WASHC3: variants seen among roughly 807,000 people sequenced by gnomAD.
WASHC3 encodes WASH complex subunit 3.
WASHC3 carries 24 observed loss-of-function variants against 26.1 expected under a neutral mutation model. The observed-to-expected ratio is 0.92, with a 90% CI of 0.66 to 1.29. The LOEUF (loss-of-function observed/expected upper bound fraction) is 1.29, where lower values mean the gene tolerates loss of function less well. WASHC3 is among the 50% of genes most tolerant of loss of function. The pLI is 0.00. For synonymous variants in WASHC3, 77 were observed against 75.7 expected (o/e 1.02, Z -0.09); for missense variants, 214 against 229.6 (o/e 0.93, Z 0.44).
At chr12:102,014,283 G>C (rs565674646) in intron 6 of WASHC3, among the ~76,000 whole-genome samples, 1 of 151,946 alleles carries the variant, frequency 6.6e-6, no homozygotes, top group South Asian at 2.1e-4. Flanking sequence ...ATGTTGGCCA[G>C]GATGGTCTTG....
intron 5 of WASHC3, among the ~76,000 whole-genome samples, chr12:102,028,082 A>C (rs1877275443): frequency 6.6e-6 from 1 of 152,174 alleles, no homozygotes; most frequent in Non-Finnish European, 1.5e-5. Flanking sequence ...AGAGAAAAAC[A>C]GAAAAAAGCC....
Position 102,028,531 on chromosome 12 carries a change from C to T in WASHC3, c.436-2493G>A, listed in dbSNP as rs540130797. Among the ~76,000 whole-genome samples, 5 of 151,370 alleles carry T rather than the reference C, an allele frequency of 3.3e-5. No individual in the cohort carries two copies. In the South Asian group the frequency reaches 6.3e-4, roughly 19 times the overall value. ...TTATACTTTAGCATAATCCACAGGACGTCATTGGAAAGGTTACACAAATAA... is the reference window on the plus strand; with the variant it reads ...TTATACTTTAGCATAATCCACAGGATGTCATTGGAAAGGTTACACAAATAA... On this transcript the variant is annotated intron_variant, in intron 5 of 6. Coordinates refer to ENST00000240079, the MANE Select transcript of WASHC3 (RefSeq NM_016053.4).
chr12:102,022,624 G>A (rs886363358), intron 6 of WASHC3, among the ~76,000 whole-genome samples: 11 of 152,178 alleles, frequency 7.2e-5, no homozygotes, highest in African/African-American at 2.7e-4. Flanking sequence ...GCCTTATCCT[G>A]AGCCTTAACT....
rs75633137 is a variant in WASHC3 at position 102,015,532 on chromosome 12, G to T, written c.501-2340C>A. ...TGACTGATTGATTGGATTTTGTGAT[G>T]ATTAAATTAATTAATAAATGTAAAG... On this transcript the variant is annotated intron_variant, in intron 6 of 6. Coordinates refer to ENST00000240079, the MANE Select transcript of WASHC3 (RefSeq NM_016053.4). Among the ~76,000 whole-genome samples the T allele has an allele frequency of 2.8e-4, 43 of 151,570 alleles. 1 individual carries two copies. The East Asian group carries it at 7.9e-3, about 28-fold the overall frequency.
chr12:102,038,744 A>G (rs958367687), intron 5 of WASHC3, among the ~76,000 whole-genome samples: 2 of 152,082 alleles, frequency 1.3e-5, no homozygotes, highest in African/African-American at 2.4e-5. Context: ...AGGCTTCAGA[A>G]AAAAAGAACT....
intron 6 of WASHC3, among the ~76,000 whole-genome samples, chr12:102,022,203 A>C (rs898537318): frequency 1.3e-5 from 2 of 152,218 alleles, no homozygotes; most frequent in Non-Finnish European, 2.9e-5. Context: ...TGAGAAAACA[A>C]TATAATTTAA....
chr12:102,055,056 C>T (rs998511069), intron 2 of WASHC3, among the ~76,000 whole-genome samples: 3 of 151,066 alleles, frequency 2.0e-5, no homozygotes, highest in Non-Finnish European at 3.0e-5. Context: ...TAATAATGAT[C>T]GGAACAGAAA....
chr12:102,050,185 G>C (rs987130385), intron 2 of WASHC3: 1 of 357,264 alleles, frequency 2.8e-6, no homozygotes, highest in Non-Finnish European at 5.5e-6. Context: ...GTGGTGGCAC[G>C]CACCTGTAGT....
chr12:102,017,248 T>C (rs1876744483), intron 6 of WASHC3, among the ~76,000 whole-genome samples: 1 of 152,048 alleles, frequency 6.6e-6, no homozygotes, highest in South Asian at 2.1e-4. Context: ...CGCTATACCA[T>C]TTAGGCTTGT....
intron 2 of WASHC3, among the ~76,000 whole-genome samples, chr12:102,056,816 C>A (rs1878610356): frequency 6.6e-6 from 1 of 152,156 alleles, no homozygotes; most frequent in Admixed American, 6.5e-5. Context: ...GATGCCTTCA[C>A]TACTGAATTC....
intron 5 of WASHC3, among the ~76,000 whole-genome samples, chr12:102,035,983 TAAAGAG>T (rs1232985410): frequency 6.6e-6 from 1 of 152,124 alleles, no homozygotes; most frequent in Non-Finnish European, 1.5e-5. Flanking sequence ...CATGCAATAA[TAAAGAG>T]AAAGAGAATC....
In WASHC3 at chr12:102,045,984, T is replaced by G. The variant is rs1233222555; in HGVS notation, c.216+70A>C. 6 of 833,560 alleles carry G rather than the reference T, an allele frequency of 7.2e-6. No homozygotes were observed. In the African/African-American group the frequency reaches 1.0e-4, roughly 14 times the overall value. The allele number at this position is 833,560 out of a possible 1,614,324, so 51.6% of individuals were successfully genotyped here. A position where few individuals can be genotyped will look rare whatever the true frequency, so the allele number is the denominator to read the frequency against. Reference sequence around the variant, plus strand: ...GAATCACTCCCAAATGCAATGAAAATTAAGTATGATTAAGAAAGCTGGTAT... The same window carrying G: ...GAATCACTCCCAAATGCAATGAAAAGTAAGTATGATTAAGAAAGCTGGTAT... On this transcript the variant is annotated intron_variant, in intron 3 of 6. Coordinates refer to ENST00000240079, the MANE Select transcript of WASHC3 (RefSeq NM_016053.4).
intron 5 of WASHC3, among the ~76,000 whole-genome samples, chr12:102,036,332 A>T (rs1877655472): frequency 6.8e-6 from 1 of 147,346 alleles, no homozygotes; most frequent in South Asian, 2.1e-4. Context: ...CCTTTGCTCC[A>T]GCCTGGGTGA....
At chr12:102,015,338 G>T (rs1479907021) in intron 6 of WASHC3, among the ~76,000 whole-genome samples, 1 of 152,062 alleles carries the variant, frequency 6.6e-6, no homozygotes, top group South Asian at 2.1e-4. Flanking sequence ...AGAAGAAACT[G>T]AAACTATAAA....
chr12:102,012,982 G>C lies in WASHC3; in HGVS notation c.*126C>G, dbSNP rs371648349. 35 of 511,406 alleles carry C rather than the reference G, an allele frequency of 6.8e-5. No individual in the cohort carries two copies. Among genetic ancestry groups the C allele is most frequent in the African/African-American group, 5.7e-4 (29 of 50,526 alleles). The allele number at this position is 511,406 out of a possible 1,614,324, so 31.7% of individuals were successfully genotyped here. On this transcript the variant is annotated 3_prime_UTR_variant, in exon 7 of 7. Coordinates refer to ENST00000240079, the MANE Select transcript of WASHC3 (RefSeq NM_016053.4). ...GCTTTATTATTATTTTTTTAACATA[G>C]AAGAAGCTTGGTAGTGGACATGTGG... is the stretch of plus-strand genomic sequence containing the variant.
chr12:102,018,621 C>T (rs1876811293), intron 6 of WASHC3, among the ~76,000 whole-genome samples: 1 of 151,924 alleles, frequency 6.6e-6, no homozygotes, highest in African/African-American at 2.4e-5. Context: ...TGCAGATACA[C>T]TCTATCGCGC....
rs899597640 is a variant in WASHC3 at position 102,061,835 on chromosome 12, G to T, written c.51+77C>A. On this transcript the variant is annotated intron_variant, in intron 1 of 6. Coordinates refer to ENST00000240079, the MANE Select transcript of WASHC3 (RefSeq NM_016053.4). ...GTGACAGGGTGGGGACTCGGAAGGT[G>T]GGTGTCTCCCCGGAAAGCTGCGTCT... 4.6e-6 allele frequency: 6 copies of T among 1,294,582 alleles called. No homozygotes were observed. The African/African-American group carries it at 7.4e-5, about 16-fold the overall frequency. 80.2% of individuals were successfully genotyped at this position (1,294,582 alleles called of 1,614,324 possible).
In WASHC3 at chr12:102,031,280, G is replaced by C. The variant is rs527418524; in HGVS notation, c.436-5242C>G. On this transcript the variant is annotated intron_variant, in intron 5 of 6. Coordinates refer to ENST00000240079, the MANE Select transcript of WASHC3 (RefSeq NM_016053.4). ...ATAGGTAATATGGCAGGGGCTTCCA[G>C]TTGGTGGCTGTCACAGTTTTCTGCT... Among the ~76,000 whole-genome samples the C allele has an allele frequency of 3.9e-5, 6 of 152,328 alleles. No homozygotes were observed. The South Asian group carries it at 1.2e-3, about 32-fold the overall frequency.
intron 6 of WASHC3, among the ~76,000 whole-genome samples, chr12:102,018,747 G>A (rs977742102): frequency 2.6e-5 from 4 of 152,132 alleles, no homozygotes; most frequent in Non-Finnish European, 4.4e-5. Flanking sequence ...TGAGATTACA[G>A]GCACGAGCCA....
Sources: allele counts gnomAD v4.1 joint callset (sites outside exome capture counted in the v4.1 genomes callset), GRCh38; gene constraint gnomAD v4.1.1; transcripts MANE v1.5; gene names NCBI Gene and HGNC (gene_info 2026-07-23, HGNC 2026-07-21).